TSPAN16: variants seen among roughly 807,000 people sequenced by gnomAD.
TSPAN16 encodes the protein tetraspanin 16.
A neutral mutation model predicts 25.2 loss-of-function variants in TSPAN16; 23 were observed. The observed-to-expected ratio is 0.91, with a 90% CI of 0.66 to 1.29. TSPAN16 has a LOEUF of 1.29. Among genes scored for constraint, TSPAN16 ranks in the 50% most tolerant of loss-of-function variants. TSPAN16 has a pLI of 0.00. For missense variants in TSPAN16, 272 were observed against 299.9 expected (o/e 0.91, Z 0.69); for synonymous variants, 123 against 124.4 (o/e 0.99, Z 0.08).
At chr19:11,320,406 G>A (rs1222980874), downstream of TSPAN16, among the ~76,000 whole-genome samples, 2 of 152,174 alleles carry the variant, frequency 1.3e-5, no homozygotes, top group Non-Finnish European at 2.9e-5. Context: ...ACAGGCATGA[G>A]CCACCACACC....
At chr19:11,303,522 C>T (rs2080590254) in intron 4 of TSPAN16, among the ~76,000 whole-genome samples, 1 of 135,954 alleles carries the variant, frequency 7.4e-6, no homozygotes, top group Non-Finnish European at 1.6e-5. Context: ...TGCCAAATCC[C>T]CCTCTGTGAG....
intron 5 of TSPAN16, among the ~76,000 whole-genome samples, chr19:11,310,090 C>T (rs774088650): frequency 4.1e-4 from 62 of 150,606 alleles, no homozygotes; most frequent in Non-Finnish European, 9.0e-4. Flanking sequence ...AGTGACAGGA[C>T]GAGACCCAAT....
In TSPAN16 at chr19:11,315,234, TCAA is replaced by T. The variant is rs201134264; in HGVS notation, c.688-556_688-554del. On this transcript the variant is annotated intron_variant, in intron 6 of 6. Transcript: ENST00000590327. The stretch of plus-strand genomic sequence containing the variant: ...CTGGGCAACAGAGTGAGACTCCTTC[TCAA>T]TAATAATAATAATAATAATAATAAT... 5.5e-3 allele frequency among the ~76,000 whole-genome samples: 498 copies of T among 91,212 alleles called. 20 individuals are homozygous for T. Among genetic ancestry groups the T allele is most frequent in the Admixed American group, 0.05 (448 of 8,872 alleles). 59.8% of individuals were successfully genotyped at this position (91,212 alleles called of 152,430 possible).
Position 11,298,344 on chromosome 19 carries a change from G to A in TSPAN16, c.267+5G>A. The A allele has an allele frequency of 6.2e-7, 1 of 1,613,248 alleles. No homozygotes were observed. The highest frequency in any genetic ancestry group is 8.5e-7 in the Non-Finnish European group (1 of 1,179,866). ...AGCAGAGGCACGCTCTTGTTTGTAA[G>A]TTGGATCTGCACACAGACCCCAGAA... On this transcript the variant is annotated splice_donor_5th_base_variant and intron_variant, in intron 2 of 6. Coordinates refer to ENST00000590327, the MANE Select transcript of TSPAN16 (RefSeq NM_001282509.2).
chr19:11,325,631 AG>A (rs772261720), intron 6 of TSPAN16: 1 of 1,244,330 alleles, frequency 8.0e-7, no homozygotes, highest in Admixed American at 1.9e-5. Flanking sequence ...CCCTGAGGGC[AG>A]AGTCTCAGCT....
At chr19:11,306,129 G>C (rs549524343) in intron 4 of TSPAN16, among the ~76,000 whole-genome samples, 1 of 152,104 alleles carries the variant, frequency 6.6e-6, no homozygotes, top group South Asian at 2.1e-4. Context: ...TTAGCCAGGC[G>C]TGGGGGCGTG....
At chr19:11,314,413 A>C (rs371595912) in intron 6 of TSPAN16, among the ~76,000 whole-genome samples, 1 of 152,168 alleles carries the variant, frequency 6.6e-6, no homozygotes, top group Non-Finnish European at 1.5e-5. Flanking sequence ...TTTTTCCTAC[A>C]TGCTTTCTGC....
At chr19:11,296,946 A>T (rs1156805781) in intron 1 of TSPAN16, among the ~76,000 whole-genome samples, 1 of 152,178 alleles carries the variant, frequency 6.6e-6, no homozygotes, top group Non-Finnish European at 1.5e-5. Context: ...AGGCTGAGGC[A>T]TGTGAATTGC....
At chr19:11,298,014 T>C in intron 1 of TSPAN16, 128 bp from the exon 2 acceptor site, 1 of 913,068 alleles carries the variant, frequency 1.1e-6, no homozygotes, top group Non-Finnish European at 1.7e-6. Flanking sequence ...CTTGAACTCC[T>C]GGGCTCAAGT....
chr19:11,325,377 G>T (rs762163610), intron 6 of TSPAN16: 1 of 1,485,752 alleles, frequency 6.7e-7, no homozygotes, highest in Non-Finnish European at 9.1e-7. Flanking sequence ...AGAGGGGTGG[G>T]TGGGGGGTTG....
At chr19:11,306,556 T>A in intron 4 of TSPAN16, 48 bp from the exon 5 acceptor site, 1 of 1,609,354 alleles carries the variant, frequency 6.2e-7, no homozygotes, top group Non-Finnish European at 8.5e-7. Context: ...TTCTGATGTT[T>A]TTATTATTTG....
chr19:11,318,874 T>A (rs1393350788), downstream of TSPAN16, among the ~76,000 whole-genome samples: 2 of 152,160 alleles, frequency 1.3e-5, no homozygotes, highest in South Asian at 2.1e-4. Flanking sequence ...CTGGAACTCC[T>A]GACCTCAAGT....
chr19:11,321,338 G>C (rs2080778361), intron 6 of TSPAN16: 1 of 152,186 alleles, frequency 6.6e-6, no homozygotes, highest in Non-Finnish European at 1.5e-5. Context: ...AGAGAAGGCG[G>C]AAGAATCCCT....
At position 11,301,231 on chromosome 19, in the gene TSPAN16, G is replaced by A. The variant is rs368131307; in HGVS notation, c.373G>A (p.Val125Met). 26 of 1,613,952 alleles carry A rather than the reference G, an allele frequency of 1.6e-5. No individual in the cohort carries two copies. The Middle Eastern group carries it at 5.0e-4, about 31-fold the overall frequency. Reference sequence around the variant, plus strand: ...AGATGTGGCCTTGGAACACACCTTCGTGACCCTGAGGAAGAATTACAGAGG... The same window carrying A: ...AGATGTGGCCTTGGAACACACCTTCATGACCCTGAGGAAGAATTACAGAGG... ...VGDVALEHTFVTLRKNYRGYN... is the reference protein window; with the variant it reads ...VGDVALEHTFMTLRKNYRGYN... Residue 125 changes from valine to methionine, a missense_variant, in exon 4 of 7, where the codon GTG (valine) becomes ATG (methionine). Coordinates refer to ENST00000590327, the MANE Select transcript of TSPAN16 (RefSeq NM_001282509.2).
chr19:11,313,961 G>C (rs564296693), intron 6 of TSPAN16, among the ~76,000 whole-genome samples: 117 of 152,178 alleles, frequency 7.7e-4, no homozygotes, highest in African/African-American at 2.7e-3. Context: ...AAACCCAAAT[G>C]TACATCAAGT....
Position 11,298,759 on chromosome 19 carries a change from G to A in TSPAN16, c.268-113G>A. ...AATTGTTTTAAACTGGAGAGGCCAG[G>A]GTGGCCTGGGGTGGAGGGTCGGGGG... On this transcript the variant is annotated intron_variant, in intron 2 of 6. Coordinates refer to ENST00000590327, the MANE Select transcript of TSPAN16 (RefSeq NM_001282509.2). The A allele has an allele frequency of 3.1e-6, 3 of 962,470 alleles. No homozygotes were observed. In the South Asian group the frequency reaches 3.9e-5, roughly 12 times the overall value. 59.6% of individuals were successfully genotyped at this position (962,470 alleles called of 1,614,324 possible).
chr19:11,312,411 T>C (rs2080703038), intron 6 of TSPAN16, 189 bp downstream of exon 6: 1 of 398,208 alleles, frequency 2.5e-6, no homozygotes, highest in African/African-American at 2.2e-5. Context: ...AGAGTGAAAA[T>C]ATGAAAATAA....
At chr19:11,320,496 A>G (rs1308538024), downstream of TSPAN16, among the ~76,000 whole-genome samples, 1 of 151,734 alleles carries the variant, frequency 6.6e-6, no homozygotes, top group Non-Finnish European at 1.5e-5. Flanking sequence ...TGGGCAACAT[A>G]GCAAGATCCC....
Position 11,301,499 on chromosome 19 carries a change from G to A in TSPAN16, c.450+191G>A, listed in dbSNP as rs540556321. ...TACTAAAAATACAAAAATTACCTCC[G>A]TGTGGTGGCAGGCATCTGTAGTCTC... On this transcript the variant is annotated intron_variant, in intron 4 of 6. Coordinates refer to ENST00000590327, the MANE Select transcript of TSPAN16 (RefSeq NM_001282509.2). Among the ~76,000 whole-genome samples, 8 of 151,982 alleles carry A rather than the reference G, an allele frequency of 5.3e-5. No individual in the cohort carries two copies. In the South Asian group the frequency reaches 1.2e-3, roughly 24 times the overall value.
Sources: gnomAD v4.1 joint callset for allele counts (sites outside exome capture counted in the v4.1 genomes callset) on GRCh38, gnomAD v4.1.1 for gene constraint, MANE v1.5 for transcripts, NCBI Gene and HGNC (gene_info 2026-07-23, HGNC 2026-07-21) for gene names.